Variants in CDH7 observed in about 807,000 individuals in gnomAD.
CDH7 encodes cadherin 7.
In CDH7, 25 loss-of-function variants were observed where a neutral mutation model predicts 71.8. The ratio of observed to expected loss-of-function variants is 0.35; its 90% CI spans 0.25 to 0.49. CDH7 has a LOEUF of 0.49. Ranked by LOEUF, CDH7 falls within the 20% of genes least tolerant of loss-of-function variation. The pLI is 0.99. For missense variants in CDH7, 862 were observed against 974.6 expected (o/e 0.88, Z 1.54); for synonymous variants, 381 against 363.8 (o/e 1.05, Z -0.54).
rs369635030 is a variant in CDH7 at position 65,762,800 on chromosome 18, C to G, written c.-43C>G. ...ACTGGAACTGTGCCTTTTCTCTTGT[C>G]AAGGTTTTTTTCTTACACAGGAAAA... is the stretch of plus-strand genomic sequence containing the variant. On this transcript the variant is annotated 5_prime_UTR_variant, in exon 2 of 12. Transcript: ENST00000397968. The G allele has an allele frequency of 1.3e-6, 2 of 1,559,202 alleles. No individual in the cohort carries two copies. The highest frequency in any genetic ancestry group is 2.8e-5 in the African/African-American group (2 of 72,610).
intron 1 of CDH7, among the ~76,000 whole-genome samples, chr18:65,759,793 A>G (rs1277311394): frequency 6.6e-6 from 1 of 152,224 alleles, no homozygotes; most frequent in Non-Finnish European, 1.5e-5. Context: ...TCTTATCCCT[A>G]GTCCAGACTG....
At chr18:65,772,748 T>C (rs1916583480) in intron 2 of CDH7, among the ~76,000 whole-genome samples, 1 of 152,108 alleles carries the variant, frequency 6.6e-6, no homozygotes, top group African/African-American at 2.4e-5. Flanking sequence ...AGTTTAAAGC[T>C]TGCTATTAAA....
chr18:65,837,894 GGTAGTAT>G (rs1912587360), intron 6 of CDH7, among the ~76,000 whole-genome samples: 1 of 151,236 alleles, frequency 6.6e-6, no homozygotes, highest in African/African-American at 2.4e-5. Flanking sequence ...TAAGGTTCTG[GGTAGTAT>G]GTTTATTTAG....
intron 11 of CDH7, among the ~76,000 whole-genome samples, chr18:65,874,695 TA>T (rs1162364440): frequency 6.6e-6 from 1 of 151,766 alleles, no homozygotes; most frequent in Non-Finnish European, 1.5e-5. Flanking sequence ...CAAATATGCA[TA>T]TTTTATATGT....
At chr18:65,756,006 A>G (rs1203312549) in intron 1 of CDH7, among the ~76,000 whole-genome samples, 1 of 152,188 alleles carries the variant, frequency 6.6e-6, no homozygotes, top group African/African-American at 2.4e-5. Flanking sequence ...CAAAAAACAA[A>G]ACAAAACAAA....
intron 10 of CDH7, among the ~76,000 whole-genome samples, chr18:65,862,063 A>G (rs1221638897): frequency 6.6e-6 from 1 of 152,176 alleles, no homozygotes; most frequent in African/African-American, 2.4e-5. Context: ...TATAAGGTAA[A>G]CATAAATAGC....
intron 2 of CDH7, among the ~76,000 whole-genome samples, chr18:65,782,079 T>TTCCTTCC (rs1568182396): frequency 4.6e-5 from 2 of 43,134 alleles, no homozygotes; most frequent in Non-Finnish European, 7.5e-5. Flanking sequence ...TCTTTCTTTC[T>TTCCTTCC]TTCCTTCCTT....
chr18:65,877,752 C>T (rs1165470437), intron 11 of CDH7, among the ~76,000 whole-genome samples: 1 of 152,140 alleles, frequency 6.6e-6, no homozygotes, highest in Admixed American at 6.5e-5. Context: ...GTTCTACTTT[C>T]TTTCTACTAC....
intron 7 of CDH7, 39 bp from the exon 8 acceptor site, chr18:65,857,777 A>T (rs182575415): frequency 2.5e-6 from 4 of 1,595,638 alleles, no homozygotes; most frequent in Non-Finnish European, 3.4e-6. Flanking sequence ...AATCAAACGT[A>T]CATGTTGAAG....
chr18:65,868,008 C>G (rs556438537), intron 11 of CDH7, among the ~76,000 whole-genome samples: 3 of 152,032 alleles, frequency 2.0e-5, no homozygotes, highest in African/African-American at 7.2e-5. Context: ...TTTTTTCCAA[C>G]AGAAAAATGC....
chr18:65,809,382 C>T (rs910833971), intron 2 of CDH7, among the ~76,000 whole-genome samples: 16 of 152,168 alleles, frequency 1.1e-4, no homozygotes, highest in African/African-American at 3.4e-4. Context: ...TGAATGCCTG[C>T]TCTGTTCAAA....
At chr18:65,838,746 T>G (rs1178522948) in intron 6 of CDH7, among the ~76,000 whole-genome samples, 1 of 152,194 alleles carries the variant, frequency 6.6e-6, no homozygotes, top group African/African-American at 2.4e-5. Flanking sequence ...AATTAACTTG[T>G]TTTAATATTG....
intron 11 of CDH7, among the ~76,000 whole-genome samples, chr18:65,876,802 A>G (rs941352225): frequency 6.6e-6 from 1 of 152,234 alleles, no homozygotes; most frequent in Non-Finnish European, 1.5e-5. Flanking sequence ...TCTATGTGCA[A>G]CATTACACTA....
intron 11 of CDH7, among the ~76,000 whole-genome samples, chr18:65,869,216 T>C: frequency 1.1e-5 from 1 of 88,038 alleles, no homozygotes; most frequent in African/African-American, 3.8e-5. Context: ...CTGATTTTTG[T>C]CCAGGGTCTT....
chr18:65,799,598 C>T (rs780236102), intron 2 of CDH7, among the ~76,000 whole-genome samples: 10 of 152,028 alleles, frequency 6.6e-5, no homozygotes, highest in Admixed American at 1.3e-4. Context: ...ATGACGTGAA[C>T]CCAGGAGGCG....
chr18:65,870,596 C>T (rs1454926539), intron 11 of CDH7, among the ~76,000 whole-genome samples: 4 of 152,122 alleles, frequency 2.6e-5, no homozygotes, highest in Non-Finnish European at 5.9e-5. Flanking sequence ...CTTCTCTCAA[C>T]CAGTAGGAGG....
chr18:65,825,533 A>G (rs1443709986), intron 6 of CDH7, among the ~76,000 whole-genome samples: 1 of 151,888 alleles, frequency 6.6e-6, no homozygotes, highest in Non-Finnish European at 1.5e-5. Context: ...ATCAAAAATA[A>G]TAACTCAAAA....
intron 7 of CDH7, among the ~76,000 whole-genome samples, chr18:65,845,496 C>G (rs1263885288): frequency 6.6e-6 from 1 of 152,068 alleles, no homozygotes; most frequent in Non-Finnish European, 1.5e-5. Flanking sequence ...GACTGCAGTT[C>G]AGCCCCACAT....
intron 2 of CDH7, among the ~76,000 whole-genome samples, chr18:65,798,420 G>A (rs1035120621): frequency 2.6e-5 from 4 of 152,192 alleles, no homozygotes; most frequent in African/African-American, 9.7e-5. Context: ...AGAGAGCATG[G>A]TATGCATGAG....
Sources: allele counts gnomAD v4.1 joint callset (sites outside exome capture counted in the v4.1 genomes callset), GRCh38; gene constraint gnomAD v4.1.1; transcripts MANE v1.5; gene names NCBI Gene and HGNC (gene_info 2026-07-23, HGNC 2026-07-21).